The following MYO3B variants were observed in gnomAD, a reference collection of about 807,000 sequenced individuals.
The protein encoded by MYO3B is myosin IIIB.
In MYO3B, 156 loss-of-function variants were observed where a neutral mutation model predicts 174.6. That is an observed-to-expected ratio of 0.89 (90% CI 0.78 to 1.02). MYO3B has a LOEUF of 1.02. MYO3B is among the 50% of genes least tolerant of loss of function. MYO3B has a pLI of 0.00. For synonymous variants in MYO3B, 563 were observed against 569.1 expected (o/e 0.99, Z 0.15); for missense variants, 1,632 against 1,639.4 (o/e 1.00, Z 0.08).
rs997620212 is a variant in MYO3B, at chr2:170,488,555, C to G, written c.3015-10037C>G. On this transcript the variant is annotated intron_variant, in intron 25 of 34. Transcript: ENST00000408978. ...TGTGTTAAAAAGAATTTATTTTATTCATACGTTATGAGGGAACTAGGCAGA... is the reference window on the plus strand; with the variant it reads ...TGTGTTAAAAAGAATTTATTTTATTGATACGTTATGAGGGAACTAGGCAGA... 1.5e-4 allele frequency among the ~76,000 whole-genome samples: 23 copies of G among 152,102 alleles called. 1 individual carries two copies. Among genetic ancestry groups the G allele is most frequent in the Admixed American group, 6.5e-5 (1 of 15,272 alleles).
intron 28 of MYO3B, among the ~76,000 whole-genome samples, chr2:170,514,143 A>G (rs993192193): frequency 2.6e-5 from 4 of 152,204 alleles, no homozygotes; most frequent in African/African-American, 9.6e-5. Context: ...GTTTCTGTCT[A>G]AAGTCAGGAG....
intron 9 of MYO3B, among the ~76,000 whole-genome samples, chr2:170,370,638 C>T (rs1003708604): frequency 2.5e-5 from 2 of 80,718 alleles, no homozygotes; most frequent in Admixed American, 1.3e-4. Flanking sequence ...CACACACACA[C>T]ACACACACAC....
In MYO3B at chr2:170,504,030, G is replaced by A. The variant is rs573287697; in HGVS notation, c.3370+2165G>A. Among the ~76,000 whole-genome samples, 26 of 152,266 alleles carry A rather than the reference G, an allele frequency of 1.7e-4. No homozygotes were observed. The South Asian group carries it at 4.8e-3, about 28-fold the overall frequency. ...TCTAAGAAGCAAAGCAACTCATTCCGACGTTTCTGTTTGGGGTTGTGATCT... is the reference window on the plus strand; with the variant it reads ...TCTAAGAAGCAAAGCAACTCATTCCAACGTTTCTGTTTGGGGTTGTGATCT... On this transcript the variant is annotated intron_variant, in intron 28 of 34. Transcript: ENST00000408978.
intron 1 of MYO3B, among the ~76,000 whole-genome samples, chr2:170,196,398 A>T (rs1189755850): frequency 6.6e-6 from 1 of 152,186 alleles, no homozygotes; most frequent in African/African-American, 2.4e-5. Flanking sequence ...TTGTGGTCCC[A>T]TCTATTAATA....
At chr2:170,373,499 G>C in intron 9 of MYO3B, among the ~76,000 whole-genome samples, 1 of 152,180 alleles carries the variant, frequency 6.6e-6, no homozygotes, top group East Asian at 1.9e-4. Flanking sequence ...GCAAAGGTAA[G>C]GAACGTTCAG....
At chr2:170,254,124 G>A (rs1392370122) in intron 7 of MYO3B, among the ~76,000 whole-genome samples, 4 of 152,036 alleles carry the variant, frequency 2.6e-5, no homozygotes, top group Non-Finnish European at 5.9e-5. Flanking sequence ...TACTGAAAAG[G>A]TTCTCAGGAA....
chr2:170,351,805 T>TGAA (rs1468572128), intron 8 of MYO3B, among the ~76,000 whole-genome samples: 2 of 152,162 alleles, frequency 1.3e-5, no homozygotes, highest in African/African-American at 4.8e-5. Context: ...TGGAATAGTC[T>TGAA]GAAGGATTAA....
intron 32 of MYO3B, among the ~76,000 whole-genome samples, chr2:170,595,802 G>C (rs1694110406): frequency 6.6e-6 from 1 of 152,112 alleles, no homozygotes; most frequent in African/African-American, 2.4e-5. Context: ...CATGCCATCT[G>C]TGCCTTCGTA....
At chr2:170,569,179 A>G (rs1692262310) in intron 32 of MYO3B, among the ~76,000 whole-genome samples, 1 of 152,188 alleles carries the variant, frequency 6.6e-6, no homozygotes, top group African/African-American at 2.4e-5. Context: ...ATACTACTCC[A>G]GGGAACAAGA....
intron 7 of MYO3B, among the ~76,000 whole-genome samples, chr2:170,310,556 T>C (rs11676857): frequency 0.7 from 104,647 of 150,080 alleles, 39,200 homozygotes; most frequent in East Asian, 0.92. Flanking sequence ...CCCAGCTACT[T>C]GGGAGGCTGA....
intron 7 of MYO3B, among the ~76,000 whole-genome samples, chr2:170,321,270 C>T (rs927677566): frequency 1.4e-4 from 21 of 151,944 alleles, no homozygotes; most frequent in Non-Finnish European, 2.1e-4. Context: ...TTTAAAAAAT[C>T]TAAATAAAAC....
At chr2:170,539,927 T>C (rs574890241) in intron 30 of MYO3B, among the ~76,000 whole-genome samples, 6 of 152,170 alleles carry the variant, frequency 3.9e-5, no homozygotes, top group African/African-American at 1.4e-4. Flanking sequence ...CAGCAACAAT[T>C]GATAATTTTG....
intron 32 of MYO3B, among the ~76,000 whole-genome samples, chr2:170,572,382 T>G (rs1269761704): frequency 1.3e-5 from 2 of 151,024 alleles, no homozygotes; most frequent in African/African-American, 2.4e-5. Context: ...GAGCTGAGAT[T>G]GCGCCACTGC....
intron 2 of MYO3B, among the ~76,000 whole-genome samples, chr2:170,199,948 G>A (rs1186540062): frequency 6.6e-6 from 1 of 152,174 alleles, no homozygotes; most frequent in Admixed American, 6.5e-5. Flanking sequence ...GGTGTAGGTT[G>A]TAATATTAGA....
At chr2:170,422,154 C>T (rs1434788021) in intron 22 of MYO3B, among the ~76,000 whole-genome samples, 1 of 152,118 alleles carries the variant, frequency 6.6e-6, no homozygotes, top group East Asian at 1.9e-4. Context: ...ACAGACCAAC[C>T]CCTAATATCT....
chr2:170,194,079 T>A (rs562353948), intron 1 of MYO3B, among the ~76,000 whole-genome samples: 2 of 151,600 alleles, frequency 1.3e-5, no homozygotes, highest in Admixed American at 6.5e-5. Context: ...GTTAGCTGGA[T>A]TTTGGAATCA....
intron 7 of MYO3B, among the ~76,000 whole-genome samples, chr2:170,252,632 T>C (rs2093265528): frequency 6.6e-6 from 1 of 152,082 alleles, no homozygotes; most frequent in South Asian, 2.1e-4. Context: ...GGGAAAGAAA[T>C]AATAAACAAG....
At chr2:170,627,402 C>G (rs541736137) in intron 32 of MYO3B, among the ~76,000 whole-genome samples, 2 of 152,186 alleles carry the variant, frequency 1.3e-5, no homozygotes, top group Non-Finnish European at 2.9e-5. Context: ...TCAGCTCCAT[C>G]AGGTCCTTTA....
chr2:170,458,598 A>G (rs1024167998), intron 23 of MYO3B, among the ~76,000 whole-genome samples: 1 of 152,212 alleles, frequency 6.6e-6, no homozygotes, highest in Non-Finnish European at 1.5e-5. Context: ...AAATGATGCT[A>G]CTACTACTAT....
Sources: allele counts gnomAD v4.1 joint callset (sites outside exome capture counted in the v4.1 genomes callset), GRCh38; gene constraint gnomAD v4.1.1; transcripts MANE v1.5; gene names NCBI Gene and HGNC (gene_info 2026-07-23, HGNC 2026-07-21).